GIGYF2: variants seen among roughly 807,000 people sequenced by gnomAD.
The protein encoded by GIGYF2 is GRB10-interacting GYF protein 2.
GIGYF2 carries 25 observed loss-of-function variants against 208.1 expected under a neutral mutation model. The observed-to-expected ratio is 0.12, with a 90% CI of 0.09 to 0.17. The LOEUF (loss-of-function observed/expected upper bound fraction) is 0.17, where lower values mean the gene tolerates loss of function less well. Among genes scored for constraint, GIGYF2 ranks in the 10% least tolerant of loss-of-function variants. The pLI is 1.00. For missense variants in GIGYF2, 1,302 were observed against 1,579.4 expected, an observed-to-expected ratio of 0.82 and a Z score of 2.98; for synonymous variants, 534 against 543.8, an observed-to-expected ratio of 0.98 and a Z score of 0.25.
chr2:232,850,349 G>C lies in GIGYF2; in HGVS notation c.3772G>C (p.Val1258Leu), dbSNP rs773826089. Residue 1258 changes from valine (V) to leucine (L), a missense_variant, in exon 28 of 29, where the codon GTG becomes CTG. By Grantham distance (32) the Val-to-Leu change is conservative. Transcript: ENST00000373563. The part of the protein sequence containing the change: ...SNNQQSNFEA[V>L]QSGKKKKKQK... ...CAACCAACAATCCAATTTTGAGGCTGTGCAGAGTGGCAAGAAGAAGAAAAA... is the reference window on the plus strand; with the variant it reads ...CAACCAACAATCCAATTTTGAGGCTCTGCAGAGTGGCAAGAAGAAGAAAAA... 6.2e-7 allele frequency: 1 copy of C among 1,614,034 alleles called. No homozygotes were observed. Among genetic ancestry groups the C allele is most frequent in the East Asian group, 2.2e-5 (1 of 44,890 alleles).
chr2:232,828,000 T>C (rs906044649), intron 21 of GIGYF2, among the ~76,000 whole-genome samples: 2 of 152,176 alleles, frequency 1.3e-5, no homozygotes, highest in Non-Finnish European at 2.9e-5. Context: ...TCTTTTTCTT[T>C]TTTTTTGAGA....
intron 21 of GIGYF2, among the ~76,000 whole-genome samples, chr2:232,825,332 A>G (rs2106401230): frequency 6.6e-6 from 1 of 152,334 alleles, no homozygotes; most frequent in South Asian, 2.1e-4. Flanking sequence ...ATTAAAGAAC[A>G]TTAGTGATTC....
chr2:232,711,702 G>GATGTGTGTATATATATATATATATAT (rs1553604488), intron 2 of GIGYF2, among the ~76,000 whole-genome samples: 4 of 50,498 alleles, frequency 7.9e-5, no homozygotes, highest in African/African-American at 3.1e-4. Context: ...TCCTCACAAT[G>GATGTGTGTATATATATATATATATAT]ATGTATATAT....
At chr2:232,756,363 T>TGGAGGAGGA (rs545527994) in intron 6 of GIGYF2, 29 bp downstream of exon 6, 1 of 1,158,666 alleles carries the variant, frequency 8.6e-7, no homozygotes, top group Admixed American at 2.2e-5. Flanking sequence ...AAAGTAATAA[T>TGGAGGAGGA]GGAGGAGGAG....
chr2:232,751,523 T>C (rs1698337702), intron 5 of GIGYF2, among the ~76,000 whole-genome samples: 1 of 152,188 alleles, frequency 6.6e-6, no homozygotes, highest in African/African-American at 2.4e-5. Flanking sequence ...GGCCACATTA[T>C]GATTTTAAAT....
chr2:232,709,691 C>A (rs574766096), intron 2 of GIGYF2, among the ~76,000 whole-genome samples: 1 of 151,968 alleles, frequency 6.6e-6, no homozygotes, highest in South Asian at 2.1e-4. Context: ...GGCCTATAAT[C>A]CCAGCTACTT....
chr2:232,744,732 G>T (rs897452310), intron 3 of GIGYF2, among the ~76,000 whole-genome samples: 1 of 151,840 alleles, frequency 6.6e-6, no homozygotes, highest in African/African-American at 2.4e-5. Flanking sequence ...GGGTTTCATC[G>T]TGTTGCCCAG....
In GIGYF2 at chr2:232,771,311, G is replaced by A. The variant is rs753827612; in HGVS notation, c.532+9875G>A. 9 of 1,611,524 alleles carry A rather than the reference G, an allele frequency of 5.6e-6. No homozygotes were observed. Among genetic ancestry groups the A allele is most frequent in the South Asian group, 4.4e-5 (4 of 90,620 alleles). ...TGGCCATCCTTGGTGACCATCCTCCGGTATCTTTGACTTAGGAGAGGAGCA... is the reference window on the plus strand; with the variant it reads ...TGGCCATCCTTGGTGACCATCCTCCAGTATCTTTGACTTAGGAGAGGAGCA... On this transcript the variant is annotated intron_variant, in intron 8 of 28. Transcript: ENST00000373563.
At chr2:232,814,344 C>T (rs1396640076) in intron 18 of GIGYF2, among the ~76,000 whole-genome samples, 4 of 151,820 alleles carry the variant, frequency 2.6e-5, no homozygotes, top group African/African-American at 9.7e-5. Flanking sequence ...GGGTGGATCA[C>T]GAAGTCAGAA....
chr2:232,763,446 GTTTAA>G (rs1698825629), intron 8 of GIGYF2, among the ~76,000 whole-genome samples: 1 of 152,002 alleles, frequency 6.6e-6, no homozygotes, highest in Non-Finnish European at 1.5e-5. Context: ...CTATGATAAA[GTTTAA>G]TTTATAAATT....
chr2:232,712,198 A>AGG (rs1696451745), intron 2 of GIGYF2, among the ~76,000 whole-genome samples: 2 of 152,208 alleles, frequency 1.3e-5, no homozygotes, highest in African/African-American at 4.8e-5. Context: ...TACATATCCT[A>AGG]GTCTGGACAC....
chr2:232,709,901 G>A (rs1327149174), intron 2 of GIGYF2, among the ~76,000 whole-genome samples: 1 of 152,028 alleles, frequency 6.6e-6, no homozygotes, highest in African/African-American at 2.4e-5. Context: ...CAAAGTGCTG[G>A]GATTAGAGAT....
intron 28 of GIGYF2, 78 bp from the exon 29 acceptor site, chr2:232,856,715 C>G (rs1690589956): frequency 1.1e-6 from 1 of 885,208 alleles, no homozygotes; most frequent in Non-Finnish European, 1.9e-6. Flanking sequence ...CACAGACTTA[C>G]ATTCCAGCTC....
chr2:232,803,060 C>T (rs373182868), intron 14 of GIGYF2, among the ~76,000 whole-genome samples: 9 of 152,046 alleles, frequency 5.9e-5, no homozygotes, highest in East Asian at 1.9e-4. Context: ...CCACCATGCC[C>T]GGCTCATTTT....
intron 1 of GIGYF2, among the ~76,000 whole-genome samples, chr2:232,700,415 A>G (rs982217829): frequency 6.6e-6 from 1 of 152,138 alleles, no homozygotes; most frequent in African/African-American, 2.4e-5. Flanking sequence ...AGTGATTGCT[A>G]TCTGGGAGAA....
intron 5 of GIGYF2, 43 bp from the exon 6 acceptor site, chr2:232,756,180 C>A (rs926194299): frequency 2.6e-6 from 3 of 1,155,564 alleles, no homozygotes; most frequent in Non-Finnish European, 2.4e-6. Flanking sequence ...TTTTTTCTTT[C>A]TTTTTTTCCT....
At position 232,771,291 on chromosome 2, in the gene GIGYF2, A is replaced by G. The variant is rs749953165; in HGVS notation, c.532+9855A>G. The G allele has an allele frequency of 1.8e-5, 29 of 1,609,900 alleles. No individual in the cohort carries two copies. The East Asian group carries it at 6.2e-4, about 35-fold the overall frequency. On this transcript the variant is annotated intron_variant, in intron 8 of 28. Transcript: ENST00000373563. ...CATCCATTTGAAGTGTGCTGTGGCC[A>G]TCCTTGGTGACCATCCTCCGGTATC...
rs1233115963 is a variant in GIGYF2, at chr2:232,798,350, T to C, written c.1639+2129T>C. Among the ~76,000 whole-genome samples, 4 of 152,338 alleles carry C rather than the reference T, an allele frequency of 2.6e-5. No individual in the cohort carries two copies. The East Asian group carries it at 7.7e-4, about 29-fold the overall frequency. ...GGTTGTTAAAGTTTTGGGGCTATAA[T>C]GAATAAAGCTGCTATAAACATTTAT... is the stretch of plus-strand genomic sequence containing the variant. On this transcript the variant is annotated intron_variant, in intron 14 of 28. Transcript: ENST00000373563.
intron 2 of GIGYF2, among the ~76,000 whole-genome samples, chr2:232,728,264 T>A (rs1697298539): frequency 6.6e-6 from 1 of 152,190 alleles, no homozygotes; most frequent in African/African-American, 2.4e-5. Context: ...GAGGCATGGG[T>A]TGTCAGATTG....
Sources: allele counts gnomAD v4.1 joint callset (sites outside exome capture counted in the v4.1 genomes callset), GRCh38; gene constraint gnomAD v4.1.1; transcripts MANE v1.5; gene names NCBI Gene and HGNC (gene_info 2026-07-23, HGNC 2026-07-21).